UMOD: variants seen among roughly 807,000 people sequenced by gnomAD.
UMOD encodes uromodulin, also known as Tamm-Horsfall urinary glycoprotein.
In UMOD, 64 loss-of-function variants were observed where a neutral mutation model predicts 66.0. The ratio of observed to expected loss-of-function variants is 0.97; its 90% CI spans 0.79 to 1.19. The LOEUF (loss-of-function observed/expected upper bound fraction) is 1.19, where lower values mean the gene tolerates loss of function less well. Ranked by LOEUF, UMOD falls within the 50% of genes most tolerant of loss-of-function variation. The pLI is 0.00. For synonymous variants in UMOD, 398 were observed against 352.7 expected (o/e 1.13, Z -1.44); for missense variants, 764 against 850.9 (o/e 0.90, Z 1.27).
Position 20,336,629 on chromosome 16 carries a change from G to A in UMOD, c.1822+17C>T, listed in dbSNP as rs779903991. The A allele has an allele frequency of 1.9e-6, 3 of 1,611,498 alleles. No homozygotes were observed. The Admixed American group carries it at 5.0e-5, about 27-fold the overall frequency. ...CTTTCCCAGCCAGGAATGTTGAGGA[G>A]CGAGTGGCTCTCTTACCTTTCCGTG... On this transcript the variant is annotated intron_variant, in intron 9 of 10. Transcript: ENST00000396138.
intron 4 of UMOD, 28 bp from the exon 5 acceptor site, chr16:20,346,362 C>G (rs200760593): frequency 1.2e-6 from 2 of 1,613,012 alleles, no homozygotes; most frequent in African/African-American, 2.7e-5. Flanking sequence ...GGATTGAGGA[C>G]GTGTGTCTAT....
At chr16:20,350,976 C>T in intron 1 of UMOD, 137 bp from the exon 2 acceptor site, 1 of 837,548 alleles carries the variant, frequency 1.2e-6, no homozygotes, top group Non-Finnish European at 1.8e-6. Context: ...ACACTGCAGC[C>T]CTTGTTTTGC....
rs923362563 is a variant in UMOD at position 20,349,974 on chromosome 16, T to G, written c.88+676A>C. The G allele has an allele frequency of 4.7e-6, 6 of 1,282,674 alleles. No homozygotes were observed. The African/African-American group carries it at 7.5e-5, about 16-fold the overall frequency. 79.5% of individuals were successfully genotyped at this position (1,282,674 alleles called of 1,614,324 possible). On this transcript the variant is annotated intron_variant, in intron 2 of 10. Coordinates refer to ENST00000396138, the MANE Select transcript of UMOD (RefSeq NM_003361.4). ...GTGCACTTTTCACTCACTATCTTGT[T>G]GAATACTTCCCAAGGGCCTCGTGAG...
Position 20,341,479 on chromosome 16 carries a change from G to A in UMOD, c.1332-143C>T. 6 of 1,478,118 alleles carry A rather than the reference G, an allele frequency of 4.1e-6. No individual in the cohort carries two copies. The South Asian group carries it at 7.7e-5, about 19-fold the overall frequency. 91.6% of individuals were successfully genotyped at this position (1,478,118 alleles called of 1,614,324 possible). ...ATAAGAGTGGAACCCACCAACTGTT[G>A]CTTTGCAAACCGCAATAAGTACACG... On this transcript the variant is annotated intron_variant, in intron 6 of 10. Transcript: ENST00000396138.
chr16:20,348,545 G>A lies in UMOD; in HGVS notation c.756C>T (p.Ser252=). The change falls in exon 3 of 11, where the codon AGC becomes AGT. Residue 252 remains serine (S), a synonymous_variant. Transcript: ENST00000396138. The stretch of plus-strand genomic sequence containing the variant: ...ACGCATCCCACAGGCAGCAGTGGCC[G>A]CTCCAGTGCGCGCAGGCCTTGCGGC... ...IVSRKACAHW[S]GHCCLWDASV... 2.5e-6 allele frequency: 4 copies of A among 1,600,806 alleles called. No individual in the cohort carries two copies. In the East Asian group the frequency reaches 9.0e-5, roughly 36 times the overall value.
At chr16:20,341,555 T>A (rs1232911576) in intron 6 of UMOD, among the ~76,000 whole-genome samples, 4 of 152,114 alleles carry the variant, frequency 2.6e-5, no homozygotes, top group African/African-American at 9.7e-5. Flanking sequence ...TGGTGAGTAT[T>A]GGGGTGGGGC....
rs955835561 is a variant in UMOD at position 20,341,274 on chromosome 16, G to T, written c.1394C>A (p.Thr465Asn). The part of the protein sequence containing the change: ...MFTVRMALFQ[T>N]PSYTQPYQGS... ...TTGGTAGGGCTGCGTGTAGGAAGGGGTCTGGAAGAGCGCCATCCGCACGGT... is the reference window on the plus strand; with the variant it reads ...TTGGTAGGGCTGCGTGTAGGAAGGGTTCTGGAAGAGCGCCATCCGCACGGT... The change falls in exon 7 of 11, where the codon ACC (threonine) becomes AAC (asparagine). Residue 465 changes from threonine to asparagine, a missense_variant. Physicochemically the swap from Thr to Asn is moderately conservative, Grantham distance 65. Coordinates refer to ENST00000396138, the MANE Select transcript of UMOD (RefSeq NM_003361.4). 1 of 1,614,114 alleles carries T rather than the reference G, an allele frequency of 6.2e-7. No individual in the cohort carries two copies. Among genetic ancestry groups the T allele is most frequent in the Non-Finnish European group, 8.5e-7 (1 of 1,180,030 alleles).
intron 7 of UMOD, among the ~76,000 whole-genome samples, chr16:20,338,583 C>A (rs1965011438): frequency 6.6e-6 from 1 of 152,034 alleles, no homozygotes; most frequent in African/African-American, 2.4e-5. Context: ...CAACCTCTGC[C>A]TCCCAGTTCA....
At chr16:20,335,799 G>A (rs906602415) in intron 9 of UMOD, among the ~76,000 whole-genome samples, 2 of 152,072 alleles carry the variant, frequency 1.3e-5, no homozygotes, top group Non-Finnish European at 2.9e-5. Context: ...CCTTTAACAG[G>A]CCAGGCTCCC....
chr16:20,355,846 A>G (rs7203678), upstream of UMOD, among the ~76,000 whole-genome samples: 9,659 of 152,206 alleles, frequency 0.063, 958 homozygotes, highest in African/African-American at 0.21. Flanking sequence ...ATGAAACACA[A>G]CAACCCACGT....
At chr16:20,346,944 C>T (rs1304926890) in intron 4 of UMOD, among the ~76,000 whole-genome samples, 2 of 152,146 alleles carry the variant, frequency 1.3e-5, no homozygotes, top group East Asian at 3.8e-4. Context: ...TTACTTTCTA[C>T]CCTTTTCACA....
At chr16:20,355,117 C>T (rs962523881), upstream of UMOD, among the ~76,000 whole-genome samples, 5 of 152,104 alleles carry the variant, frequency 3.3e-5, no homozygotes, top group South Asian at 2.1e-4. Flanking sequence ...GCTTCCTGAC[C>T]GACCCTGGTA....
intron 7 of UMOD, among the ~76,000 whole-genome samples, chr16:20,338,187 C>G (rs753765893): frequency 1.3e-5 from 2 of 152,222 alleles, no homozygotes; most frequent in Non-Finnish European, 2.9e-5. Context: ...AGTGCAGACT[C>G]TGCCTGGCAA....
intron 10 of UMOD, 23 bp downstream of exon 10, chr16:20,335,459 C>A (rs1404348765): frequency 1.2e-6 from 2 of 1,613,154 alleles, no homozygotes; most frequent in Non-Finnish European, 1.7e-6. Flanking sequence ...ACAGGTCCCA[C>A]TGCAGAAAGG....
In UMOD at chr16:20,341,260, G is replaced by C. The variant is rs375442986; in HGVS notation, c.1408C>G (p.Gln470Glu). Residue 470 changes from glutamine to glutamate, a missense_variant, in exon 7 of 11, where the codon CAG becomes GAG. Coordinates refer to ENST00000396138, the MANE Select transcript of UMOD (RefSeq NM_003361.4). The part of the protein sequence containing the change: ...MALFQTPSYT[Q>E]PYQGSSVTLS... ...GTCACGGAGGAGCCTTGGTAGGGCT[G>C]CGTGTAGGAAGGGGTCTGGAAGAGC... 6.2e-7 allele frequency: 1 copy of C among 1,614,114 alleles called. No homozygotes were observed. Among genetic ancestry groups the C allele is most frequent in the Non-Finnish European group, 8.5e-7 (1 of 1,180,038 alleles).
Position 20,349,017 on chromosome 16 carries a change from G to T in UMOD, c.284C>A (p.Pro95His). 6.3e-7 allele frequency: 1 copy of T among 1,587,820 alleles called. No homozygotes were observed. The highest frequency in any genetic ancestry group is 8.6e-7 in the Non-Finnish European group (1 of 1,167,238). ...NTPGSFSCVCPEGFRLSPGLG... is the reference protein window; with the variant it reads ...NTPGSFSCVCHEGFRLSPGLG... ...ACCGGGCGACAGGCGGAAGCCTTCG[G>T]GGCAGACGCAGGAGAAGGAGCCTGG... Residue 95 changes from proline to histidine, a missense_variant, in exon 3 of 11, where the codon CCC becomes CAC. Pro to His is a moderately conservative substitution (Grantham distance 77). Coordinates refer to ENST00000396138, the MANE Select transcript of UMOD (RefSeq NM_003361.4).
At chr16:20,336,333 C>T (rs36002304) in intron 9 of UMOD, among the ~76,000 whole-genome samples, 1,969 of 152,312 alleles carry the variant, frequency 0.013, 47 homozygotes, top group African/African-American at 0.044. Flanking sequence ...ACATCTACTA[C>T]AAATATGAAT....
rs556996214 is a variant in UMOD, at chr16:20,341,512, A to C, written c.1332-176T>G. On this transcript the variant is annotated intron_variant, in intron 6 of 10. Coordinates refer to ENST00000396138, the MANE Select transcript of UMOD (RefSeq NM_003361.4). ...AACCGCAATAAGTACACGCAGGTCA[A>C]CTTGGGATCTAGATAAAATGCAGGC... Among the ~76,000 whole-genome samples the C allele has an allele frequency of 2.0e-5, 3 of 152,230 alleles. No homozygotes were observed. The South Asian group carries it at 6.2e-4, about 31-fold the overall frequency.
In UMOD at chr16:20,337,428, T is replaced by C; in HGVS notation, c.1603A>G (p.Ile535Val). 1.9e-6 allele frequency: 3 copies of C among 1,614,200 alleles called. No individual in the cohort carries two copies. Among genetic ancestry groups the C allele is most frequent in the Non-Finnish European group, 2.5e-6 (3 of 1,180,026 alleles). Residue 535 changes from isoleucine (I) to valine (V), a missense_variant, in exon 8 of 11, where the codon ATC (isoleucine) becomes GTC (valine). Physicochemically the swap from Ile to Val is conservative, Grantham distance 29. Transcript: ENST00000396138. ...GACTCCCCATTCTCCACCACTTGGA[T>C]AGTTGAGTCTCTAGTGTGTGGGCAT... ...DRCPHTRDST[I>V]QVVENGESSQ...
Sources: allele counts gnomAD v4.1 joint callset (sites outside exome capture counted in the v4.1 genomes callset), GRCh38; gene constraint gnomAD v4.1.1; transcripts MANE v1.5; gene names NCBI Gene and HGNC (gene_info 2026-07-23, HGNC 2026-07-21).